NDUFS7: variants seen among roughly 807,000 people sequenced by gnomAD.
NDUFS7 encodes the protein NADH dehydrogenase [ubiquinone] iron-sulfur protein 7, mitochondrial.
In NDUFS7, 11 loss-of-function variants were observed where a neutral mutation model predicts 31.1. That is an observed-to-expected ratio of 0.35 (90% CI 0.22 to 0.59). The LOEUF is 0.59. NDUFS7 is among the 20% of genes least tolerant of loss of function. The pLI is 0.79. For missense variants in NDUFS7, 263 were observed against 324.2 expected, an observed-to-expected ratio of 0.81 and a Z score of 1.45; for synonymous variants, 136 against 127.9, an observed-to-expected ratio of 1.06 and a Z score of -0.43.
At chr19:1,390,760 G>A (rs1243855623) in intron 4 of NDUFS7, 111 bp from the exon 5 acceptor site, 13 of 1,327,944 alleles carry the variant, frequency 9.8e-6, no homozygotes, top group Admixed American at 5.9e-5. Flanking sequence ...CACCTCTGCC[G>A]GCTGCCGCCC....
In NDUFS7 at chr19:1,391,179, G is replaced by T. The variant is rs747771299; in HGVS notation, c.455+14G>T. The T allele has an allele frequency of 3.1e-6, 5 of 1,607,478 alleles. No homozygotes were observed. The highest frequency in any genetic ancestry group is 3.4e-6 in the Non-Finnish European group (4 of 1,178,710). On this transcript the variant is annotated intron_variant, in intron 6 of 7. Coordinates refer to ENST00000233627, the MANE Select transcript of NDUFS7 (RefSeq NM_024407.5). The stretch of plus-strand genomic sequence containing the variant: ...CTCCATGGGGAGGTGAGTGCAGGGC[G>T]GGGGGTCTCCAGGGACAGACGTAGC...
At position 1,393,372 on chromosome 19, in the gene NDUFS7, G is replaced by A. The variant is rs2082571033; in HGVS notation, c.544+42G>A. On this transcript the variant is annotated intron_variant, in intron 7 of 7. Transcript: ENST00000233627. The surrounding 1 kb of genome is among the most constrained non-coding windows in gnomAD (Gnocchi z 7.3). Reference sequence around the variant, plus strand: ...ACCGCCCACGAGGGAGCTGGAGACAGGGCCAGCGCCACACGGAGCCCGGCG... The same window carrying A: ...ACCGCCCACGAGGGAGCTGGAGACAAGGCCAGCGCCACACGGAGCCCGGCG... 1 of 1,511,872 alleles carries A rather than the reference G, an allele frequency of 6.6e-7. No individual in the cohort carries two copies. The highest frequency in any genetic ancestry group is 2.4e-5 in the East Asian group (1 of 40,948). 93.7% of individuals were successfully genotyped at this position (1,511,872 alleles called of 1,614,324 possible).
chr19:1,388,062 G>T, intron 2 of NDUFS7: 2 of 643,342 alleles, frequency 3.1e-6, no homozygotes, highest in Admixed American at 4.6e-5. Context: ...CAGTCAGGAG[G>T]AAAACCCTGT....
At chr19:1,388,960 C>G in intron 4 of NDUFS7, 22 bp downstream of exon 4, 1 of 1,579,832 alleles carries the variant, frequency 6.3e-7, no homozygotes, top group Middle Eastern at 1.7e-4. Context: ...GAGCTGTAGG[C>G]CCTCCTCGAG....
At chr19:1,388,761 G>A (rs751213511) in intron 3 of NDUFS7, 72 bp from the exon 4 acceptor site, 9 of 1,499,678 alleles carry the variant, frequency 6.0e-6, no homozygotes, top group Non-Finnish European at 8.2e-6. Flanking sequence ...CAGCGGCCGT[G>A]GGGGCTCGCA....
chr19:1,389,118 G>A (rs568257499), intron 4 of NDUFS7, 180 bp downstream of exon 4: 181 of 707,768 alleles, frequency 2.6e-4, no homozygotes, highest in Admixed American at 3.8e-4. Flanking sequence ...CGGACCACAC[G>A]CACACTCACG....
intron 5 of NDUFS7, 34 bp downstream of exon 5, chr19:1,391,084 G>T: frequency 1.2e-6 from 2 of 1,611,982 alleles, no homozygotes; most frequent in South Asian, 1.1e-5. Flanking sequence ...GCCGCCCCCA[G>T]AGTGAGCTGC....
Position 1,388,920 on chromosome 19 carries a change from C to T in NDUFS7, c.210C>T (p.Leu70=), listed in dbSNP as rs958883478. ...GEYVVAKLDD[L]VNWARRSSLW... ...ATGTGGTGGCCAAGCTGGATGACCTCGTCAACTGGGCCCGCCGGGTGAGTA... is the reference window on the plus strand; with the variant it reads ...ATGTGGTGGCCAAGCTGGATGACCTTGTCAACTGGGCCCGCCGGGTGAGTA... Residue 70 remains leucine (L), a synonymous_variant, in exon 4 of 8, where the codon CTC becomes CTT. Transcript: ENST00000233627. 5 of 1,608,476 alleles carry T rather than the reference C, an allele frequency of 3.1e-6. No homozygotes were observed. Among genetic ancestry groups the T allele is most frequent in the African/African-American group, 2.7e-5 (2 of 74,886 alleles).
At chr19:1,389,043 A>C in intron 4 of NDUFS7, 105 bp downstream of exon 4, 3 of 918,094 alleles carry the variant, frequency 3.3e-6, no homozygotes, top group Non-Finnish European at 5.2e-6. Context: ...CACACACAAC[A>C]CATGCATGCA....
At chr19:1,389,045 A>C in intron 4 of NDUFS7, 107 bp downstream of exon 4, 3 of 832,722 alleles carry the variant, frequency 3.6e-6, no homozygotes, top group African/African-American at 1.7e-5. Flanking sequence ...CACACAACAC[A>C]TGCATGCACA....
Position 1,391,022 on chromosome 19 carries a change from C to G in NDUFS7, c.380C>G (p.Thr127Ser), listed in dbSNP as rs925435610. 1.9e-6 allele frequency: 3 copies of G among 1,612,966 alleles called. No individual in the cohort carries two copies. The highest frequency in any genetic ancestry group is 1.7e-5 in the Admixed American group (1 of 59,948). ...GTCATGATCGTGGCCGGCACACTCA[C>G]CAACAAGATGGCCCCAGCGCTTCGC... ...SDVMIVAGTLTNKMAPALRKV... is the reference protein window; with the variant it reads ...SDVMIVAGTLSNKMAPALRKV... Residue 127 changes from threonine to serine, a missense_variant, in exon 5 of 8, where the codon ACC (threonine) becomes AGC (serine). Coordinates refer to ENST00000233627, the MANE Select transcript of NDUFS7 (RefSeq NM_024407.5).
At position 1,390,837 on chromosome 19, in the gene NDUFS7, G is replaced by A. The variant is rs767315700; in HGVS notation, c.229-34G>A. The stretch of plus-strand genomic sequence containing the variant: ...TCACGCTGGGCCACGCGGGGCTCCG[G>A]GGGTGGCGTCTGACCCGAGCCCGGC... On this transcript the variant is annotated intron_variant, in intron 4 of 7. Transcript: ENST00000233627. 3.7e-6 allele frequency: 6 copies of A among 1,600,012 alleles called. No homozygotes were observed. The East Asian group carries it at 1.1e-4, about 30-fold the overall frequency.
intron 4 of NDUFS7, chr19:1,390,082 A>G (rs1252427097): frequency 6.4e-6 from 1 of 155,634 alleles, no homozygotes; most frequent in Non-Finnish European, 1.4e-5. Context: ...TTTTATTTTT[A>G]GTAGAGATGG....
Position 1,394,410 on chromosome 19 carries a change from C to T in NDUFS7, c.545-981C>T, listed in dbSNP as rs764924591. The T allele has an allele frequency of 2.1e-5, 27 of 1,289,152 alleles. No homozygotes were observed. In the South Asian group the frequency reaches 2.3e-4, roughly 11 times the overall value. 79.9% of individuals were successfully genotyped at this position (1,289,152 alleles called of 1,614,324 possible). A position where few individuals can be genotyped will look rare whatever the true frequency, so the allele number is the denominator to read the frequency against. On this transcript the variant is annotated intron_variant, in intron 7 of 7. Coordinates refer to ENST00000233627, the MANE Select transcript of NDUFS7 (RefSeq NM_024407.5). ...GCGAGTGTGGACTGTACTCCTCCCT[C>T]CTTGCAGACTGAGCTCCTCCCTCCC...
chr19:1,387,532 G>A (rs1427388735), intron 1 of NDUFS7, among the ~76,000 whole-genome samples: 1 of 152,230 alleles, frequency 6.6e-6, no homozygotes, highest in East Asian at 1.9e-4. Flanking sequence ...GCCAGTGCGG[G>A]GGCCCTGGCG....
chr19:1,387,662 C>A, intron 1 of NDUFS7, 149 bp from the exon 2 acceptor site: 1 of 718,200 alleles, frequency 1.4e-6, no homozygotes, highest in Non-Finnish European at 2.5e-6. Flanking sequence ...GTTCTGAAAA[C>A]CCCCTCGTTA....
rs1187153025 is a variant in NDUFS7, at chr19:1,388,606, T to A, written c.122+13T>A. 1 of 1,611,058 alleles carries A rather than the reference T, an allele frequency of 6.2e-7. No individual in the cohort carries two copies. The highest frequency in any genetic ancestry group is 8.5e-7 in the Non-Finnish European group (1 of 1,178,762). On this transcript the variant is annotated intron_variant, in intron 3 of 7. Coordinates refer to ENST00000233627, the MANE Select transcript of NDUFS7 (RefSeq NM_024407.5). The stretch of plus-strand genomic sequence containing the variant: ...ATGGCCCAAGCAGGTGAAGCTGGCC[T>A]TCTGGGGGAGGTCGTACCCCCTCGC...
intron 4 of NDUFS7, 187 bp downstream of exon 4, chr19:1,389,125 C>A (rs1406107880): frequency 1.4e-6 from 1 of 707,410 alleles, no homozygotes; most frequent in African/African-American, 1.8e-5. Context: ...CACGCACACT[C>A]ACGCACACAA....
chr19:1,390,139 A>G (rs1173212073), intron 4 of NDUFS7: 1 of 154,530 alleles, frequency 6.5e-6, no homozygotes, highest in East Asian at 1.9e-4. Flanking sequence ...TGACCTCGTG[A>G]TCCGCCCACC....
Sources: allele counts gnomAD v4.1 joint callset (sites outside exome capture counted in the v4.1 genomes callset), GRCh38; gene constraint gnomAD v4.1.1; non-coding constraint Gnocchi (gnomAD v3.1); transcripts MANE v1.5; gene names NCBI Gene and HGNC (gene_info 2026-07-23, HGNC 2026-07-21).